The following ZNF35 variants were observed in gnomAD, a reference collection of about 807,000 sequenced individuals.
The protein encoded by ZNF35 is zinc finger protein 35 (clone HF.10).
In ZNF35, 31 loss-of-function variants were observed where a neutral mutation model predicts 45.9. That is an observed-to-expected ratio of 0.68 (90% CI 0.51 to 0.91). The LOEUF (loss-of-function observed/expected upper bound fraction) is 0.91, where lower values mean the gene tolerates loss of function less well. Ranked by LOEUF, ZNF35 falls within the 40% of genes least tolerant of loss-of-function variation. The pLI, the probability that ZNF35 is intolerant of heterozygous loss-of-function variation, is 0.00. For missense variants in ZNF35, 515 were observed against 625.4 expected, an observed-to-expected ratio of 0.82 and a Z score of 1.88; for synonymous variants, 205 against 220.2, an observed-to-expected ratio of 0.93 and a Z score of 0.61.
At position 44,659,973 on chromosome 3, in the gene ZNF35, G is replaced by A; in HGVS notation, c.*26G>A. On this transcript the variant is annotated 3_prime_UTR_variant, in exon 4 of 4. Coordinates refer to ENST00000396056, the MANE Select transcript of ZNF35 (RefSeq NM_003420.4). This position sits in a 1 kb window ranked among gnomAD's most constrained non-coding sequence, Gnocchi z 4.3. The stretch of plus-strand genomic sequence containing the variant: ...CAAGTAAGGAAGAGGAAGACCTCCA[G>A]CATTGGTCATAACCTTCTGCCTCCC... 1 of 1,521,798 alleles carries A rather than the reference G, an allele frequency of 6.6e-7. No individual in the cohort carries two copies. The highest frequency in any genetic ancestry group is 8.8e-7 in the Non-Finnish European group (1 of 1,135,752). 94.3% of individuals were successfully genotyped at this position (1,521,798 alleles called of 1,614,324 possible). A position where few individuals can be genotyped will look rare whatever the true frequency, so the allele number is the denominator to read the frequency against.
chr3:44,652,102 A>G (rs541042428), intron 2 of ZNF35, among the ~76,000 whole-genome samples: 2 of 152,278 alleles, frequency 1.3e-5, no homozygotes, highest in East Asian at 3.9e-4. Flanking sequence ...TCTTTGCACC[A>G]CACTTTGATT....
At position 44,659,168 on chromosome 3, in the gene ZNF35, C is replaced by G. The variant is rs1414427431; in HGVS notation, c.805C>G (p.Gln269Glu). 6.2e-7 allele frequency: 1 copy of G among 1,614,026 alleles called. No homozygotes were observed. The highest frequency in any genetic ancestry group is 8.5e-7 in the Non-Finnish European group (1 of 1,180,036). The change falls in exon 4 of 4, where the codon CAG becomes GAG. Residue 269 changes from glutamine (Q) to glutamate (E), a missense_variant. By Grantham distance (29) the Gln-to-Glu change is conservative. Around this residue, in one of 3 missense-constraint regions of ZNF35, gnomAD observed 8 missense variants for 25.1 expected, o/e 0.32. Coordinates refer to ENST00000396056, the MANE Select transcript of ZNF35 (RefSeq NM_003420.4). This position sits in a 1 kb window ranked among gnomAD's most constrained non-coding sequence, Gnocchi z 4.3. The part of the protein sequence containing the change: ...FIQSANLVVH[Q>E]RIHTGQKPYV... ...TCAGAGTGCAAACCTCGTTGTGCAT[C>G]AGAGAATCCACACTGGACAGAAACC... is the stretch of plus-strand genomic sequence containing the variant.
In ZNF35 at chr3:44,659,066, G is replaced by T. The variant is rs1703357574; in HGVS notation, c.703G>T (p.Ala235Ser). The change falls in exon 4 of 4, where the codon GCA becomes TCA. Residue 235 changes from alanine (A) to serine (S), a missense_variant. By Grantham distance (99) the Ala-to-Ser change is moderately conservative. Coordinates refer to ENST00000396056, the MANE Select transcript of ZNF35 (RefSeq NM_003420.4). This position sits in a 1 kb window ranked among gnomAD's most constrained non-coding sequence, Gnocchi z 4.3. ...GTGTGGGAAAGGATTTAGTCAGAGT[G>T]CAAACCTCGTTGTGCATCAGCGAAT... ...SVCGKGFSQSANLVVHQRIHT... is the reference protein window; with the variant it reads ...SVCGKGFSQSSNLVVHQRIHT... 6.2e-7 allele frequency: 1 copy of T among 1,614,054 alleles called. No individual in the cohort carries two copies. The highest frequency in any genetic ancestry group is 8.5e-7 in the Non-Finnish European group (1 of 1,180,036).
At chr3:44,658,378 A>G (rs1334660847) in intron 3 of ZNF35, among the ~76,000 whole-genome samples, 3 of 152,224 alleles carry the variant, frequency 2.0e-5, no homozygotes, top group Admixed American at 1.3e-4. Flanking sequence ...AAGGGCAGTC[A>G]TCATACAGCC....
rs1431147694 is a variant in ZNF35, at chr3:44,659,245, T to G, written c.882T>G (p.Thr294=). ...GKAFTQSSNL[T]VHQKIHSLEK... ...CCTTCACTCAGAGTTCAAATCTGACTGTACATCAAAAAATCCACTCCTTAG... is the reference window on the plus strand; with the variant it reads ...CCTTCACTCAGAGTTCAAATCTGACGGTACATCAAAAAATCCACTCCTTAG... The change falls in exon 4 of 4, where the codon ACT becomes ACG. Residue 294 remains threonine (T), a synonymous_variant. Coordinates refer to ENST00000396056, the MANE Select transcript of ZNF35 (RefSeq NM_003420.4). The surrounding 1 kb of genome is among the most constrained non-coding windows in gnomAD (Gnocchi z 4.3). The G allele has an allele frequency of 6.2e-7, 1 of 1,613,944 alleles. No homozygotes were observed. Among genetic ancestry groups the G allele is most frequent in the African/African-American group, 1.3e-5 (1 of 75,034 alleles).
rs1703380951 is a variant in ZNF35 at position 44,660,521 on chromosome 3, T to C, written c.*574T>C. 1 of 152,880 alleles carries C rather than the reference T, an allele frequency of 6.5e-6. No homozygotes were observed. The highest frequency in any genetic ancestry group is 1.5e-5 in the Non-Finnish European group (1 of 68,534). The allele number at this position is 152,880 out of a possible 1,614,324, so 9.5% of individuals were successfully genotyped here. A position where few individuals can be genotyped will look rare whatever the true frequency, so the allele number is the denominator to read the frequency against. ...GGACAGAAATAGGAAATGGACTTTT[T>C]CCTTACTGTCTATACCTCCTGAACC... On this transcript the variant is annotated 3_prime_UTR_variant, in exon 4 of 4. Coordinates refer to ENST00000396056, the MANE Select transcript of ZNF35 (RefSeq NM_003420.4).
At chr3:44,652,874 G>A (rs1703229502) in intron 3 of ZNF35, among the ~76,000 whole-genome samples, 173 bp downstream of exon 3, 1 of 152,222 alleles carries the variant, frequency 6.6e-6, no homozygotes, top group South Asian at 2.1e-4. Context: ...GTCATGGGAA[G>A]TGGCTTATTT....
At chr3:44,646,738 C>T (rs1360768930), upstream of ZNF35, 3 of 489,426 alleles carry the variant, frequency 6.1e-6, no homozygotes, top group African/African-American at 5.9e-5. Flanking sequence ...GATGAGGAGG[C>T]TTGTTTTTAA....
chr3:44,647,598 C>G (rs939786325), upstream of ZNF35: 1 of 152,098 alleles, frequency 6.6e-6, no homozygotes, highest in Non-Finnish European at 1.5e-5. Context: ...TATGTATTAC[C>G]ATGGAATACT....
Position 44,659,151 on chromosome 3 carries a change from C to T in ZNF35, c.788C>T (p.Ala263Val). Residue 263 changes from alanine to valine, a missense_variant, in exon 4 of 4, where the codon GCA (alanine) becomes GTA (valine). Around this residue, in one of 3 missense-constraint regions of ZNF35, gnomAD observed 8 missense variants for 25.1 expected, o/e 0.32. Coordinates refer to ENST00000396056, the MANE Select transcript of ZNF35 (RefSeq NM_003420.4). The surrounding 1 kb of genome is among the most constrained non-coding windows in gnomAD (Gnocchi z 4.3). ...HECGKAFIQS[A>V]NLVVHQRIHT... ...TGTGGGAAGGCCTTCATTCAGAGTGCAAACCTCGTTGTGCATCAGAGAATC... is the reference window on the plus strand; with the variant it reads ...TGTGGGAAGGCCTTCATTCAGAGTGTAAACCTCGTTGTGCATCAGAGAATC... 6.2e-7 allele frequency: 1 copy of T among 1,614,174 alleles called. No homozygotes were observed. The highest frequency in any genetic ancestry group is 8.5e-7 in the Non-Finnish European group (1 of 1,180,034).
At chr3:44,651,583 C>T (rs1324565511) in intron 2 of ZNF35, among the ~76,000 whole-genome samples, 2 of 152,138 alleles carry the variant, frequency 1.3e-5, no homozygotes, top group African/African-American at 2.4e-5. Context: ...AATCCCAGCA[C>T]TTTGGAGGCC....
intron 3 of ZNF35, among the ~76,000 whole-genome samples, chr3:44,652,949 T>TGG (rs1479108713): frequency 2.6e-5 from 4 of 152,070 alleles, no homozygotes; most frequent in African/African-American, 9.7e-5. Flanking sequence ...AACACCAATA[T>TGG]GGTACCAGGT....
chr3:44,655,112 C>A (rs1703275694), intron 3 of ZNF35, among the ~76,000 whole-genome samples: 2 of 152,172 alleles, frequency 1.3e-5, no homozygotes, highest in South Asian at 4.2e-4. Context: ...CCAGCCTGGG[C>A]AATAGAGCAA....
chr3:44,647,939 T>A (rs1407521705), upstream of ZNF35: 2 of 152,302 alleles, frequency 1.3e-5, no homozygotes, highest in African/African-American at 4.8e-5. Context: ...ACACACATAC[T>A]GTACCAATGT....
chr3:44,649,542 G>C (rs1703137648), intron 1 of ZNF35, among the ~76,000 whole-genome samples: 2 of 152,062 alleles, frequency 1.3e-5, no homozygotes, highest in African/African-American at 4.8e-5. Flanking sequence ...AGGTTATTTT[G>C]CTCACAGGTT....
intron 1 of ZNF35, among the ~76,000 whole-genome samples, 188 bp downstream of exon 1, chr3:44,649,022 C>A (rs1703113726): frequency 6.6e-6 from 1 of 152,204 alleles, no homozygotes; most frequent in African/African-American, 2.4e-5. Context: ...GGGGCCTGGT[C>A]CGGGAGAGGA....
chr3:44,659,516 A>C lies in ZNF35; in HGVS notation c.1153A>C (p.Thr385Pro). 6.2e-7 allele frequency: 1 copy of C among 1,613,712 alleles called. No homozygotes were observed. The highest frequency in any genetic ancestry group is 1.3e-5 in the African/African-American group (1 of 74,864). The change falls in exon 4 of 4, where the codon ACT (threonine) becomes CCT (proline). Residue 385 changes from threonine (T) to proline (P), a missense_variant. By Grantham distance (38) the Thr-to-Pro change is conservative. Coordinates refer to ENST00000396056, the MANE Select transcript of ZNF35 (RefSeq NM_003420.4). This position sits in a 1 kb window ranked among gnomAD's most constrained non-coding sequence, Gnocchi z 4.3. ...TCTTATTGTACATCAGCGAAGCCAT[A>C]CTGGTGAGAAGCCATATGAGTGTAA... ...ANLIVHQRSHTGEKPYECKEC... is the reference protein window; with the variant it reads ...ANLIVHQRSHPGEKPYECKEC...
At chr3:44,648,929 C>A (rs977736141) in intron 1 of ZNF35, 95 bp downstream of exon 1, 5 of 152,294 alleles carry the variant, frequency 3.3e-5, no homozygotes, top group African/African-American at 1.2e-4. Flanking sequence ...TGCGTCCTTT[C>A]CCCGGGGACA....
At chr3:44,655,862 A>G (rs1432485421) in intron 3 of ZNF35, among the ~76,000 whole-genome samples, 2 of 152,246 alleles carry the variant, frequency 1.3e-5, no homozygotes, top group Non-Finnish European at 2.9e-5. Flanking sequence ...AGTAGTTCCC[A>G]TTGATCTTCA....
Sources: gnomAD v4.1 joint callset for allele counts (sites outside exome capture counted in the v4.1 genomes callset) on GRCh38, gnomAD v4.1.1 for gene constraint, gnomAD v4.1.1 regional missense constraint, Gnocchi (gnomAD v3.1) non-coding constraint, MANE v1.5 for transcripts, NCBI Gene and HGNC (gene_info 2026-07-23, HGNC 2026-07-21) for gene names.